CPAMD8: variants seen among roughly 807,000 people sequenced by gnomAD.
CPAMD8 encodes the protein C3 and PZP-like alpha-2-macroglobulin domain-containing protein 8.
A neutral mutation model predicts 224.7 loss-of-function variants in CPAMD8; 146 were observed. The ratio of observed to expected loss-of-function variants is 0.65; its 90% CI spans 0.57 to 0.75. The LOEUF (loss-of-function observed/expected upper bound fraction) is 0.75. CPAMD8 is among the 30% of genes least tolerant of loss of function. CPAMD8 has a pLI of 0.00. For synonymous variants in CPAMD8, 966 were observed against 1,044.6 expected (o/e 0.92, Z 1.45); for missense variants, 2,301 against 2,537.5 (o/e 0.91, Z 2.00).
intron 13 of CPAMD8, among the ~76,000 whole-genome samples, chr19:16,989,153 T>G (rs552515971): frequency 2.0e-5 from 3 of 152,280 alleles, no homozygotes; most frequent in African/African-American, 7.2e-5. Context: ...AGAAATGAAG[T>G]GCAAAATAAA....
chr19:16,976,039 T>C lies in CPAMD8; in HGVS notation c.1871A>G (p.Tyr624Cys), dbSNP rs767188227. 2.1e-5 allele frequency: 34 copies of C among 1,608,700 alleles called. No individual in the cohort carries two copies. The highest frequency in any genetic ancestry group is 2.5e-5 in the Non-Finnish European group (30 of 1,177,576). The change falls in exon 16 of 42, where the codon TAC becomes TGC. Residue 624 changes from tyrosine (Y) to cysteine (C), a missense_variant. Transcript: ENST00000443236. ...VCVAAVDKSV[Y>C]LLRSGFRLTP... ...CAGCCGGAACCCAGACCTGAGCAGG[T>C]AGACACTCTTATCAACTGCGGCGAC...
chr19:17,011,881 G>C, intron 3 of CPAMD8, 124 bp from the exon 4 acceptor site: 1 of 1,089,478 alleles, frequency 9.2e-7, no homozygotes, highest in Non-Finnish European at 1.3e-6. Flanking sequence ...GCCCCAGGGG[G>C]ACACTTGGCA....
chr19:17,019,418 C>A (rs769795807), intron 3 of CPAMD8, among the ~76,000 whole-genome samples: 8 of 152,042 alleles, frequency 5.3e-5, no homozygotes, highest in Non-Finnish European at 1.0e-4. Context: ...CCACTGCGCC[C>A]GGCCAGTGGT....
Position 17,026,677 on chromosome 19 carries a change from G to A in CPAMD8, c.-35C>T. On this transcript the variant is annotated 5_prime_UTR_variant, in exon 1 of 42. Coordinates refer to ENST00000443236, the MANE Select transcript of CPAMD8 (RefSeq NM_015692.5). The stretch of plus-strand genomic sequence containing the variant: ...CCTGGGGGGCGCCGCGCCTGGGGAG[G>A]GGGCCGGGCCAGGGCTGGGCCAGGG... The A allele has an allele frequency of 7.2e-7, 1 of 1,384,944 alleles. No individual in the cohort carries two copies. Among genetic ancestry groups the A allele is most frequent in the South Asian group, 1.6e-5 (1 of 63,478 alleles). 85.8% of individuals were successfully genotyped at this position (1,384,944 alleles called of 1,614,324 possible). A position where few individuals can be genotyped will look rare whatever the true frequency, so the allele number is the denominator to read the frequency against.
chr19:16,893,555 C>T (rs2051842595), intron 41 of CPAMD8: 2 of 469,266 alleles, frequency 4.3e-6, no homozygotes, highest in African/African-American at 3.8e-5. Context: ...AAATACCACC[C>T]CGGAGAAGAT....
At chr19:17,018,717 TACACAC>T (rs367984655) in intron 3 of CPAMD8, among the ~76,000 whole-genome samples, 5,704 of 136,736 alleles carry the variant, frequency 0.042, 159 homozygotes, top group Non-Finnish European at 0.059. Context: ...CTACTAAAAA[TACACAC>T]ACACACACAC....
chr19:16,978,623 C>T (rs537297569), intron 14 of CPAMD8, among the ~76,000 whole-genome samples: 18 of 152,244 alleles, frequency 1.2e-4, no homozygotes, highest in East Asian at 5.8e-4. Context: ...TACTGGCTTC[C>T]GGTGAATAGA....
intron 3 of CPAMD8, among the ~76,000 whole-genome samples, chr19:17,019,565 AT>A (rs11307563): frequency 0.17 from 24,633 of 148,192 alleles, 2,123 homozygotes; most frequent in East Asian, 0.28. Flanking sequence ...TTATTCTCTC[AT>A]TTTTTTTTAA....
intron 29 of CPAMD8, among the ~76,000 whole-genome samples, chr19:16,911,524 C>T (rs530797108): frequency 6.6e-6 from 1 of 150,740 alleles, no homozygotes; most frequent in Non-Finnish European, 1.5e-5. Flanking sequence ...ACCACACAAG[C>T]TAATTTTTGT....
chr19:16,904,176 A>AGCCCCCCCCCCCCCCCCCC, intron 32 of CPAMD8, 50 bp downstream of exon 32: 1 of 937,338 alleles, frequency 1.1e-6, no homozygotes, highest in Non-Finnish European at 1.7e-6. Context: ...GACTGCAGGG[A>AGCCCCCCCCCCCCCCCCCC]CCCCACCCAC....
chr19:17,022,759 A>C (rs542517608), intron 1 of CPAMD8, among the ~76,000 whole-genome samples: 237 of 152,100 alleles, frequency 1.6e-3, no homozygotes, highest in African/African-American at 5.5e-3. Context: ...TCAGCCTCCC[A>C]AAGTTCTGGG....
intron 3 of CPAMD8, among the ~76,000 whole-genome samples, chr19:17,017,895 C>T (rs148064505): frequency 0.017 from 2,620 of 151,888 alleles, 26 homozygotes; most frequent in Non-Finnish European, 0.026. Flanking sequence ...TAGCTGGGCA[C>T]GGTGGTGCAC....
intron 30 of CPAMD8, among the ~76,000 whole-genome samples, chr19:16,904,867 GCCTC>G (rs2052409129): frequency 6.6e-6 from 1 of 152,202 alleles, no homozygotes; most frequent in Non-Finnish European, 1.5e-5. Flanking sequence ...CTAGTCAATA[GCCTC>G]CCTCCTGACC....
At chr19:16,967,787 C>G (rs1784827034) in intron 18 of CPAMD8, among the ~76,000 whole-genome samples, 1 of 133,184 alleles carries the variant, frequency 7.5e-6, no homozygotes, top group Non-Finnish European at 1.6e-5. Flanking sequence ...CCAGCCTGGG[C>G]AACAGAGTGA....
At chr19:16,964,819 C>T (rs754710722) in intron 18 of CPAMD8, among the ~76,000 whole-genome samples, 23 of 152,154 alleles carry the variant, frequency 1.5e-4, no homozygotes, top group Non-Finnish European at 2.9e-4. Flanking sequence ...AATCCAGCAG[C>T]ACATCAAAAA....
intron 22 of CPAMD8, among the ~76,000 whole-genome samples, chr19:16,940,093 G>C (rs2053836964): frequency 6.6e-6 from 1 of 151,820 alleles, no homozygotes; most frequent in Non-Finnish European, 1.5e-5. Flanking sequence ...TGTACTTTTA[G>C]TAGAGACAGG....
chr19:16,912,574 C>A (rs1484535071), intron 29 of CPAMD8, among the ~76,000 whole-genome samples: 1 of 152,170 alleles, frequency 6.6e-6, no homozygotes, highest in East Asian at 1.9e-4. Flanking sequence ...CATGGTGGAA[C>A]CTGGTCTCTA....
intron 18 of CPAMD8, among the ~76,000 whole-genome samples, chr19:16,967,890 C>CGTGTGT (rs1568539968): frequency 0.41 from 24,808 of 61,166 alleles, 3,837 homozygotes; most frequent in South Asian, 0.59. Flanking sequence ...TATACACACA[C>CGTGTGT]ATGTGTGTGT....
intron 22 of CPAMD8, among the ~76,000 whole-genome samples, chr19:16,941,801 T>C (rs1378958431): frequency 2.0e-5 from 3 of 151,786 alleles, no homozygotes; most frequent in East Asian, 2.0e-4. Flanking sequence ...GGTGAAACCC[T>C]GCCTCTACTA....
Sources: allele counts gnomAD v4.1 joint callset (sites outside exome capture counted in the v4.1 genomes callset), GRCh38; gene constraint gnomAD v4.1.1; transcripts MANE v1.5; gene names NCBI Gene and HGNC (gene_info 2026-07-23, HGNC 2026-07-21).